TBC1D5: variants seen among roughly 807,000 people sequenced by gnomAD.
TBC1D5 encodes the protein TBC1 domain family, member 5.
A neutral mutation model predicts 100.3 loss-of-function variants in TBC1D5; 75 were observed. The ratio of observed to expected loss-of-function variants is 0.75; its 90% CI spans 0.62 to 0.91. The LOEUF is 0.91. TBC1D5 is among the 40% of genes least tolerant of loss of function. The pLI is 0.00. For missense variants in TBC1D5, 910 were observed against 942.4 expected (o/e 0.97, Z 0.45); for synonymous variants, 323 against 325.6 (o/e 0.99, Z 0.09).
At chr3:17,636,674 G>T (rs1234413489) in intron 1 of TBC1D5, among the ~76,000 whole-genome samples, 16 of 151,754 alleles carry the variant, frequency 1.1e-4, no homozygotes, top group Middle Eastern at 6.8e-3. Context: ...GGTGGCAGGC[G>T]CCTGTAGTCC....
chr3:17,357,536 A>C lies in TBC1D5; in HGVS notation c.995+14539T>G, dbSNP rs925631738. 2.6e-5 allele frequency among the ~76,000 whole-genome samples: 4 copies of C among 152,332 alleles called. No individual in the cohort carries two copies. The South Asian group carries it at 8.3e-4, about 32-fold the overall frequency. On this transcript the variant is annotated intron_variant, in intron 13 of 21. Transcript: ENST00000253692. ...CGACGTAGAGAAAAGGGAGTTACTT[A>C]TAGATGGCTGAAGCCAGAGCAAGAG...
intron 16 of TBC1D5, among the ~76,000 whole-genome samples, chr3:17,245,616 G>A (rs2076674791): frequency 6.6e-6 from 1 of 152,120 alleles, no homozygotes; most frequent in Admixed American, 6.5e-5. Context: ...CTAGACTATG[G>A]GGCTTACGTA....
At chr3:17,613,273 T>A (rs1439696429) in intron 2 of TBC1D5, among the ~76,000 whole-genome samples, 1 of 152,228 alleles carries the variant, frequency 6.6e-6, no homozygotes, top group African/African-American at 2.4e-5. Context: ...ATTTTCTTAA[T>A]ACAGTCTATC....
intron 1 of TBC1D5, among the ~76,000 whole-genome samples, chr3:17,690,889 C>T (rs1369017325): frequency 6.6e-6 from 1 of 152,182 alleles, no homozygotes; most frequent in Non-Finnish European, 1.5e-5. Context: ...GACAGGGACA[C>T]TGCTTTCCAG....
chr3:17,645,300 G>T (rs1016933230), intron 1 of TBC1D5, among the ~76,000 whole-genome samples: 4 of 152,098 alleles, frequency 2.6e-5, no homozygotes, highest in African/African-American at 9.7e-5. Flanking sequence ...GAGGAGAGTA[G>T]TAAGACAAAG....
chr3:17,258,086 A>G (rs2149421807), intron 16 of TBC1D5, among the ~76,000 whole-genome samples: 1 of 152,280 alleles, frequency 6.6e-6, no homozygotes, highest in South Asian at 2.1e-4. Flanking sequence ...TACACACAAG[A>G]TGCATTTATA....
chr3:17,645,098 TC>T (rs779368699), intron 1 of TBC1D5, among the ~76,000 whole-genome samples: 9 of 152,148 alleles, frequency 5.9e-5, no homozygotes, highest in Non-Finnish European at 1.3e-4. Context: ...CTGCATATTC[TC>T]TGAAGATAAA....
At chr3:17,256,451 G>GTT (rs1276760313) in intron 16 of TBC1D5, among the ~76,000 whole-genome samples, 2 of 147,996 alleles carry the variant, frequency 1.4e-5, no homozygotes, top group Non-Finnish European at 3.0e-5. Flanking sequence ...AACTCATTGT[G>GTT]TTATATATAT....
Position 17,618,755 on chromosome 3 carries a change from G to GA in TBC1D5, c.-36+5093dup, listed in dbSNP as rs574231980. 5.0e-3 allele frequency among the ~76,000 whole-genome samples: 756 copies of GA among 152,360 alleles called. 3 individuals carry two copies. Among genetic ancestry groups the GA allele is most frequent in the African/African-American group, 0.017 (711 of 41,584 alleles). On this transcript the variant is annotated intron_variant, in intron 2 of 21. Coordinates refer to ENST00000253692, the Ensembl canonical transcript of TBC1D5. ...GGTCTGCTGGTTACTAAGGCCATGG[G>GA]AAAATCACAGTATTTGGGTGGGAGT... is the stretch of plus-strand genomic sequence containing the variant.
At chr3:17,334,044 G>A (rs578211394) in intron 13 of TBC1D5, among the ~76,000 whole-genome samples, 1 of 152,080 alleles carries the variant, frequency 6.6e-6, no homozygotes, top group Non-Finnish European at 1.5e-5. Context: ...AAAAGCAGTG[G>A]GGTAAATGAA....
chr3:17,733,702 A>G (rs2076744374), intron 1 of TBC1D5, among the ~76,000 whole-genome samples: 2 of 152,206 alleles, frequency 1.3e-5, no homozygotes, highest in South Asian at 2.1e-4. Context: ...TTGTATTTCA[A>G]GTCAATGAAA....
intron 3 of TBC1D5, among the ~76,000 whole-genome samples, chr3:17,479,066 C>T (rs550760313): frequency 3.3e-5 from 5 of 152,138 alleles, no homozygotes; most frequent in African/African-American, 1.2e-4. Flanking sequence ...TAAATGGCTA[C>T]ACAGCTCATT....
intron 17 of TBC1D5, among the ~76,000 whole-genome samples, chr3:17,237,258 A>AT (rs1263049040): frequency 6.6e-6 from 1 of 152,170 alleles, no homozygotes; most frequent in Non-Finnish European, 1.5e-5. Flanking sequence ...CTTTTTAAGT[A>AT]TTTTTTGCCA....
chr3:17,640,861 T>C (rs2064431130), intron 1 of TBC1D5, among the ~76,000 whole-genome samples: 1 of 152,108 alleles, frequency 6.6e-6, no homozygotes, highest in Non-Finnish European at 1.5e-5. Context: ...CAGCTAGATA[T>C]TAGGCCCTAC....
chr3:17,277,702 G>T (rs2057021878), intron 15 of TBC1D5, among the ~76,000 whole-genome samples: 1 of 152,198 alleles, frequency 6.6e-6, no homozygotes, highest in Admixed American at 6.5e-5. Context: ...GAACTGGGAA[G>T]AAATAGTGTG....
intron 13 of TBC1D5, among the ~76,000 whole-genome samples, chr3:17,358,861 G>A (rs1002599215): frequency 4.0e-5 from 6 of 151,612 alleles, no homozygotes; most frequent in Non-Finnish European, 8.8e-5. Flanking sequence ...TGGTACACTG[G>A]TATAAAAAAT....
At chr3:17,203,862 A>G (rs1157534268) in intron 18 of TBC1D5, among the ~76,000 whole-genome samples, 2 of 152,194 alleles carry the variant, frequency 1.3e-5, no homozygotes, top group Non-Finnish European at 2.9e-5. Flanking sequence ...CCTGATAGCA[A>G]TAAGAGAATG....
chr3:17,582,596 G>C (rs1389664336), intron 2 of TBC1D5, among the ~76,000 whole-genome samples: 2 of 150,060 alleles, frequency 1.3e-5, no homozygotes, highest in Non-Finnish European at 3.0e-5. Context: ...TTGAGGTTGA[G>C]AAATGTCTTC....
At chr3:17,438,307 T>C (rs1317792916) in intron 3 of TBC1D5, among the ~76,000 whole-genome samples, 2 of 152,174 alleles carry the variant, frequency 1.3e-5, no homozygotes, top group Non-Finnish European at 2.9e-5. Flanking sequence ...AGAAATAGTA[T>C]TAAGGCCATA....
Sources: allele counts gnomAD v4.1 joint callset (sites outside exome capture counted in the v4.1 genomes callset), GRCh38; gene constraint gnomAD v4.1.1; transcripts MANE v1.5; gene names NCBI Gene and HGNC (gene_info 2026-07-23, HGNC 2026-07-21).